MCTP1: variants seen among roughly 807,000 people sequenced by gnomAD.
MCTP1 encodes the protein multiple C2 and transmembrane domain containing 1, also known as multiple C2 and transmembrane domain-containing protein 1.
Under a neutral mutation model 120.6 loss-of-function variants are expected in MCTP1, and 69 were observed. That is an observed-to-expected ratio of 0.57 (90% CI 0.47 to 0.70). The LOEUF is 0.70. Among genes scored for constraint, MCTP1 ranks in the 30% least tolerant of loss-of-function variants. The pLI is 0.00. For missense variants in MCTP1, 1,203 were observed against 1,248.8 expected (o/e 0.96, Z 0.55); for synonymous variants, 529 against 493.1 (o/e 1.07, Z -0.96).
intron 1 of MCTP1, among the ~76,000 whole-genome samples, chr5:95,099,208 A>G (rs1337380037): frequency 6.6e-6 from 1 of 152,226 alleles, no homozygotes; most frequent in African/African-American, 2.4e-5. Flanking sequence ...GGACATAGGC[A>G]CGGGCAAGGA....
chr5:94,777,535 TG>T (rs1775641502), intron 19 of MCTP1, among the ~76,000 whole-genome samples: 1 of 152,130 alleles, frequency 6.6e-6, no homozygotes, highest in Non-Finnish European at 1.5e-5. Context: ...TTAACATTTC[TG>T]GGGAAATGCC....
intron 21 of MCTP1, chr5:94,709,297 G>A (rs1056588122): frequency 6.6e-6 from 1 of 151,956 alleles, no homozygotes; most frequent in Non-Finnish European, 1.5e-5. Context: ...TAAATTTCTG[G>A]CTAATATTTC....
chr5:95,100,169 T>C (rs1756620827), intron 1 of MCTP1, among the ~76,000 whole-genome samples: 1 of 151,162 alleles, frequency 6.6e-6, no homozygotes, highest in South Asian at 2.1e-4. Flanking sequence ...ATATACCTAA[T>C]GCTAGATGAC....
chr5:95,044,939 C>A (rs959912913), intron 1 of MCTP1, among the ~76,000 whole-genome samples: 2 of 152,106 alleles, frequency 1.3e-5, no homozygotes, highest in Admixed American at 6.6e-5. Context: ...CTGAAGTGAT[C>A]GTCAAGCATC....
At chr5:95,040,609 C>T (rs1221483655) in intron 1 of MCTP1, among the ~76,000 whole-genome samples, 2 of 152,082 alleles carry the variant, frequency 1.3e-5, no homozygotes, top group Non-Finnish European at 2.9e-5. Flanking sequence ...CCTTCCTATC[C>T]ATGTGTTTCT....
Position 95,116,273 on chromosome 5 carries a change from C to A in MCTP1, c.721-98789G>T, listed in dbSNP as rs181974933. On this transcript the variant is annotated intron_variant, in intron 1 of 22. Transcript: ENST00000515393. ...AAAAACACAGATTATAACACTATAA[C>A]TGTAGTGTGTAAACTAGTTATCTGA... Among the ~76,000 whole-genome samples the A allele has an allele frequency of 6.6e-5, 10 of 150,722 alleles. No homozygotes were observed. The East Asian group carries it at 9.7e-4, about 15-fold the overall frequency.
chr5:95,059,003 C>A lies in MCTP1; in HGVS notation c.721-41519G>T, dbSNP rs555022706. Among the ~76,000 whole-genome samples, 8 of 152,262 alleles carry A rather than the reference C, an allele frequency of 5.3e-5. No individual in the cohort carries two copies. In the East Asian group the frequency reaches 1.5e-3, roughly 29 times the overall value. ...TTGCCATTCTAGTGACAAGCATATA[C>A]ATGCAAGAATTGAGTTAAGACTATC... is the stretch of plus-strand genomic sequence containing the variant. On this transcript the variant is annotated intron_variant, in intron 1 of 22. Coordinates refer to ENST00000515393, the MANE Select transcript of MCTP1 (RefSeq NM_024717.7).
chr5:94,953,088 T>C (rs1052374389), intron 3 of MCTP1, 131 bp downstream of exon 3: 5 of 748,834 alleles, frequency 6.7e-6, no homozygotes, highest in African/African-American at 3.6e-5. Flanking sequence ...ATATTATCCA[T>C]AGATTAGAGT....
At chr5:95,255,569 T>C (rs77679149) in intron 1 of MCTP1, among the ~76,000 whole-genome samples, 3,322 of 152,138 alleles carry the variant, frequency 0.022, 108 homozygotes, top group African/African-American at 0.073. Flanking sequence ...CCCCTATGAA[T>C]AGGCGAAGGT....
At chr5:94,992,844 G>A (rs1225059094) in intron 2 of MCTP1, among the ~76,000 whole-genome samples, 1 of 152,102 alleles carries the variant, frequency 6.6e-6, no homozygotes, top group Non-Finnish European at 1.5e-5. Context: ...GTCTCTCAAA[G>A]AAAGACAAAT....
At chr5:94,737,246 G>A (rs2051872375) in intron 19 of MCTP1, among the ~76,000 whole-genome samples, 1 of 152,038 alleles carries the variant, frequency 6.6e-6, no homozygotes, top group Non-Finnish European at 1.5e-5. Context: ...AGGGAGGGAG[G>A]GAAACAGTGC....
chr5:94,936,524 G>C (rs1313097685), intron 5 of MCTP1, among the ~76,000 whole-genome samples: 1 of 152,000 alleles, frequency 6.6e-6, no homozygotes, highest in East Asian at 1.9e-4. Context: ...AATTTAATTA[G>C]AGAAATAGCC....
At chr5:94,974,505 T>C (rs546629777) in intron 2 of MCTP1, among the ~76,000 whole-genome samples, 2 of 151,982 alleles carry the variant, frequency 1.3e-5, no homozygotes, top group African/African-American at 2.4e-5. Flanking sequence ...GCTCTCATTG[T>C]GCCACTGTAC....
At chr5:95,095,590 C>T (rs1442747361) in intron 1 of MCTP1, among the ~76,000 whole-genome samples, 1 of 152,184 alleles carries the variant, frequency 6.6e-6, no homozygotes, top group African/African-American at 2.4e-5. Flanking sequence ...CTCAAGTTTA[C>T]GGTGCTACCT....
At chr5:95,013,141 C>T (rs1460980433) in intron 2 of MCTP1, among the ~76,000 whole-genome samples, 1 of 152,086 alleles carries the variant, frequency 6.6e-6, no homozygotes, top group East Asian at 1.9e-4. Context: ...ACAACGTTCC[C>T]TTAAACCAAA....
chr5:95,144,977 A>C (rs1038105954), intron 1 of MCTP1, among the ~76,000 whole-genome samples: 4 of 152,090 alleles, frequency 2.6e-5, no homozygotes, highest in Admixed American at 6.5e-5. Flanking sequence ...TGAATCTGTA[A>C]ATTGCTTTGG....
chr5:94,943,172 G>C (rs1485346487), intron 3 of MCTP1, among the ~76,000 whole-genome samples: 1 of 152,020 alleles, frequency 6.6e-6, no homozygotes, highest in Non-Finnish European at 1.5e-5. Context: ...AAGTGCTATG[G>C]AGCAAATAAA....
At chr5:94,907,272 C>A (rs1315757711) in intron 10 of MCTP1, among the ~76,000 whole-genome samples, 7 of 152,156 alleles carry the variant, frequency 4.6e-5, no homozygotes, top group Non-Finnish European at 1.0e-4. Context: ...CCCTTTTCTG[C>A]AAAAGGCAAC....
intron 1 of MCTP1, among the ~76,000 whole-genome samples, chr5:95,084,688 CTTGT>C (rs1755295513): frequency 6.6e-6 from 1 of 152,100 alleles, no homozygotes; most frequent in South Asian, 2.1e-4. Context: ...AGTAAACAAA[CTTGT>C]TTATTAACAT....
Sources: gnomAD v4.1 joint callset for allele counts (sites outside exome capture counted in the v4.1 genomes callset) on GRCh38, gnomAD v4.1.1 for gene constraint, MANE v1.5 for transcripts, NCBI Gene and HGNC (gene_info 2026-07-23, HGNC 2026-07-21) for gene names.